Variants in CCDC191 observed in about 807,000 individuals in gnomAD.
The protein encoded by CCDC191 is coiled-coil domain-containing protein 191.
A neutral mutation model predicts 114.0 loss-of-function variants in CCDC191; 99 were observed. That is an observed-to-expected ratio of 0.87 (90% CI 0.74 to 1.03). CCDC191 has a LOEUF of 1.03. Among genes scored for constraint, CCDC191 ranks in the 50% least tolerant of loss-of-function variants. The pLI is 0.00. For synonymous variants in CCDC191, 351 were observed against 376.0 expected, an observed-to-expected ratio of 0.93 and a Z score of 0.77; for missense variants, 973 against 1,087.0, an observed-to-expected ratio of 0.90 and a Z score of 1.47.
Position 114,055,000 on chromosome 3 carries a change from C to A in CCDC191, c.91-1365G>T, listed in dbSNP as rs866952162. On this transcript the variant is annotated intron_variant, in intron 1 of 16. Transcript: ENST00000295878. ...GAATTGCTTCTTACTCAAATATACT[C>A]TTTAAAATAATAATAATAATAATAA... is the stretch of plus-strand genomic sequence containing the variant. Among the ~76,000 whole-genome samples, 85 of 151,006 alleles carry A rather than the reference C, an allele frequency of 5.6e-4. 1 individual carries two copies. Among genetic ancestry groups the A allele is most frequent in the South Asian group, 8.3e-4 (4 of 4,802 alleles).
At chr3:113,978,042 T>C in intron 16 of CCDC191, 144 bp downstream of exon 16, 1 of 795,078 alleles carries the variant, frequency 1.3e-6, no homozygotes. Context: ...ACATTGCTGG[T>C]GAGCCGGGAC....
In CCDC191 at chr3:113,974,324, G is replaced by GTT. The variant is rs113527931; in HGVS notation, c.2606+3860_2606+3861dup. Among the ~76,000 whole-genome samples the GTT allele has an allele frequency of 8.0e-4, 113 of 141,370 alleles. 1 individual carries two copies. The highest frequency in any genetic ancestry group is 3.2e-3 in the East Asian group (16 of 4,930). The allele number at this position is 141,370 out of a possible 152,430, so 92.7% of individuals were successfully genotyped here. ...CATGGTTCCCCATTTGCTGTTTTTT[G>GTT]TTTTTTTTTTTTGGAGATGGAGTCT... On this transcript the variant is annotated intron_variant, in intron 16 of 16. Coordinates refer to ENST00000295878, the MANE Select transcript of CCDC191 (RefSeq NM_020817.2).
At chr3:114,056,235 A>ATGC (rs2076777322) in intron 1 of CCDC191, 142 bp downstream of exon 1, 1 of 737,474 alleles carries the variant, frequency 1.4e-6, no homozygotes, top group Non-Finnish European at 2.3e-6. Context: ...ACTCAGGGTA[A>ATGC]TGCTGGCTTT....
chr3:114,053,552 T>C (rs2076725405), intron 2 of CCDC191, 45 bp downstream of exon 2: 2 of 1,200,972 alleles, frequency 1.7e-6, no homozygotes, highest in South Asian at 1.4e-5. Flanking sequence ...CTGATTATGC[T>C]TGACTCTTAA....
chr3:114,007,981 C>A (rs1191594626), intron 9 of CCDC191, among the ~76,000 whole-genome samples: 2 of 149,090 alleles, frequency 1.3e-5, no homozygotes, highest in Admixed American at 6.7e-5. Flanking sequence ...GTCTTTTGTT[C>A]TTGATTTCAG....
chr3:114,002,658 G>A lies in CCDC191; in HGVS notation c.1979-120C>T, dbSNP rs115531838. The A allele has an allele frequency of 3.2e-6, 4 of 1,257,184 alleles. No individual in the cohort carries two copies. In the East Asian group the frequency reaches 1.1e-4, roughly 34 times the overall value. The allele number at this position is 1,257,184 out of a possible 1,614,324, so 77.9% of individuals were successfully genotyped here. A position where few individuals can be genotyped will look rare whatever the true frequency, so the allele number is the denominator to read the frequency against. On this transcript the variant is annotated intron_variant, in intron 11 of 16. Transcript: ENST00000295878. ...TGTTATTATTAGGGTTTTCTTGTAA[G>A]TTGAATGTTCACAATCTCAGAAAAT...
chr3:114,021,711 C>T (rs531440041), intron 7 of CCDC191, among the ~76,000 whole-genome samples: 1 of 152,200 alleles, frequency 6.6e-6, no homozygotes, highest in South Asian at 2.1e-4. Flanking sequence ...TGCTCCCAGG[C>T]CTGCTTCTCC....
At position 113,965,145 on chromosome 3, in the gene CCDC191, C is replaced by G. The variant is rs547428603; in HGVS notation, c.*10G>C. The G allele has an allele frequency of 7.7e-5, 121 of 1,568,560 alleles. No homozygotes were observed. The South Asian group carries it at 1.4e-3, about 18-fold the overall frequency. On this transcript the variant is annotated 3_prime_UTR_variant, in exon 17 of 17. Coordinates refer to ENST00000295878, the MANE Select transcript of CCDC191 (RefSeq NM_020817.2). ...CGAGCTTCCTGTCCTAAATATTACA[C>G]TAATCTGGCTCATTCGTTCACCAGA...
intron 7 of CCDC191, among the ~76,000 whole-genome samples, chr3:114,024,574 A>C (rs2076292172): frequency 6.6e-6 from 1 of 152,188 alleles, no homozygotes; most frequent in South Asian, 2.1e-4. Flanking sequence ...GCTGGAAACC[A>C]TCATTCTCAG....
chr3:114,038,638 G>C (rs2076519622), intron 4 of CCDC191, among the ~76,000 whole-genome samples: 1 of 152,162 alleles, frequency 6.6e-6, no homozygotes, highest in East Asian at 1.9e-4. Context: ...TATATACCCA[G>C]TAATGGTATA....
At chr3:113,999,987 T>C (rs1248594724) in intron 13 of CCDC191, among the ~76,000 whole-genome samples, 1 of 152,210 alleles carries the variant, frequency 6.6e-6, no homozygotes, top group Non-Finnish European at 1.5e-5. Context: ...TAGGTGGAAT[T>C]ATGATCGTGC....
At chr3:113,985,350 G>T (rs2075314455) in intron 13 of CCDC191, among the ~76,000 whole-genome samples, 1 of 152,182 alleles carries the variant, frequency 6.6e-6, no homozygotes, top group South Asian at 2.1e-4. Flanking sequence ...GAGGGAAGGG[G>T]ATTCAGGGGA....
At chr3:113,991,193 G>C (rs1255028792) in intron 13 of CCDC191, among the ~76,000 whole-genome samples, 1 of 142,290 alleles carries the variant, frequency 7.0e-6, no homozygotes, top group African/African-American at 2.6e-5. Context: ...CTGAGATCAC[G>C]CCACTGCACT....
intron 8 of CCDC191, among the ~76,000 whole-genome samples, chr3:114,012,913 T>A (rs1241448188): frequency 6.6e-6 from 1 of 152,178 alleles, no homozygotes; most frequent in Non-Finnish European, 1.5e-5. Context: ...GCATGTTCAA[T>A]ATAGGGCTTA....
At chr3:113,986,790 C>A (rs1462781033) in intron 13 of CCDC191, among the ~76,000 whole-genome samples, 1 of 152,106 alleles carries the variant, frequency 6.6e-6, no homozygotes, top group Non-Finnish European at 1.5e-5. Flanking sequence ...CTTGCTTGCT[C>A]TCTCTCGCAT....
rs1481482578 is a variant in CCDC191 at position 114,051,129 on chromosome 3, C to G, written c.129+2468G>C. Among the ~76,000 whole-genome samples, 4 of 152,162 alleles carry G rather than the reference C, an allele frequency of 2.6e-5. No homozygotes were observed. In the South Asian group the frequency reaches 8.3e-4, roughly 32 times the overall value. ...CGTGACCCCGAACCATGTCACAAAG[C>G]ATGGTTCACAACATTTTCCATTGCT... On this transcript the variant is annotated intron_variant, in intron 2 of 16. Transcript: ENST00000295878.
At chr3:114,045,670 C>G (rs910106779) in intron 3 of CCDC191, among the ~76,000 whole-genome samples, 5 of 152,144 alleles carry the variant, frequency 3.3e-5, no homozygotes, top group African/African-American at 1.2e-4. Context: ...ATACCTTCTC[C>G]TCACTCCCGC....
chr3:113,988,614 G>C, intron 13 of CCDC191, among the ~76,000 whole-genome samples: 1 of 116,260 alleles, frequency 8.6e-6, no homozygotes, highest in East Asian at 2.8e-4. Flanking sequence ...CAACAAGAGT[G>C]AGACTCCATC....
intron 11 of CCDC191, chr3:114,003,174 G>A (rs1170772725): frequency 3.0e-6 from 3 of 985,196 alleles, no homozygotes; most frequent in African/African-American, 3.5e-5. Flanking sequence ...ATTAAATATC[G>A]ATCCAAAAGA....
Sources: gnomAD v4.1 joint callset for allele counts (sites outside exome capture counted in the v4.1 genomes callset) on GRCh38, gnomAD v4.1.1 for gene constraint, MANE v1.5 for transcripts, NCBI Gene and HGNC (gene_info 2026-07-23, HGNC 2026-07-21) for gene names.